ZNF420: variants seen among roughly 807,000 people sequenced by gnomAD.
ZNF420 encodes the protein zinc finger protein 420, also known as ATM and p53-associated KZNF protein.
Under a neutral mutation model 44.7 loss-of-function variants are expected in ZNF420, and 31 were observed. That is an observed-to-expected ratio of 0.69 (90% CI 0.52 to 0.94). ZNF420 has a LOEUF of 0.94. Among genes scored for constraint, ZNF420 ranks in the 40% least tolerant of loss-of-function variants. The pLI, the probability that ZNF420 is intolerant of heterozygous loss-of-function variation, is 0.00. For missense variants in ZNF420, 681 were observed against 827.9 expected (o/e 0.82, Z 2.18); for synonymous variants, 245 against 267.4 (o/e 0.92, Z 0.82).
chr19:37,088,962 A>C (rs1968980973), intron 2 of ZNF420, 77 bp from the exon 3 acceptor site: 1 of 701,942 alleles, frequency 1.4e-6, no homozygotes, highest in Non-Finnish European at 2.6e-6. Flanking sequence ...AGAAAAGAAC[A>C]ACAAAGATAA....
At chr19:37,126,554 G>A (rs12462276) in intron 4 of ZNF420, among the ~76,000 whole-genome samples, 2,938 of 152,252 alleles carry the variant, frequency 0.019, 80 homozygotes, top group East Asian at 0.05. Context: ...TGAATCAGTT[G>A]ATAGGAAGGA....
chr19:37,110,059 A>C (rs893381573), intron 4 of ZNF420, among the ~76,000 whole-genome samples: 2 of 152,224 alleles, frequency 1.3e-5, no homozygotes, highest in African/African-American at 2.4e-5. Flanking sequence ...GCTTTACTAC[A>C]GTATCCTGGT....
intron 1 of ZNF420, chr19:37,008,186 A>AC (rs1310836921): frequency 6.5e-6 from 2 of 309,104 alleles, no homozygotes; most frequent in Admixed American, 9.2e-5. Context: ...AGAGAGCAGA[A>AC]CCCCGCAGCC....
At chr19:37,094,832 G>A (rs764092521) in intron 4 of ZNF420, among the ~76,000 whole-genome samples, 11 of 152,036 alleles carry the variant, frequency 7.2e-5, no homozygotes, top group South Asian at 2.1e-4. Context: ...CTATTAGCAC[G>A]TAGAAATATC....
At chr19:37,094,914 C>T (rs1165053120) in intron 4 of ZNF420, among the ~76,000 whole-genome samples, 3 of 151,994 alleles carry the variant, frequency 2.0e-5, no homozygotes, top group Non-Finnish European at 4.4e-5. Flanking sequence ...GGGCAGATCA[C>T]GAGGTCAAGA....
chr19:37,064,416 G>A (rs1457160558), intron 1 of ZNF420, among the ~76,000 whole-genome samples: 2 of 152,044 alleles, frequency 1.3e-5, no homozygotes, highest in South Asian at 4.1e-4. Context: ...TCCTGTGTGG[G>A]TTTTGCGGCC....
chr19:37,129,242 T>G lies in ZNF420; in HGVS notation c.*184T>G. Reference sequence around the variant, plus strand: ...TCATTACTGGAAACCTATTAAACATTAGCAAATTGGAGAATAGTTTTAATA... The same window carrying G: ...TCATTACTGGAAACCTATTAAACATGAGCAAATTGGAGAATAGTTTTAATA... On this transcript the variant is annotated 3_prime_UTR_variant, in exon 5 of 5. Transcript: ENST00000337995. 1.4e-6 allele frequency: 1 copy of G among 697,400 alleles called. No individual in the cohort carries two copies. Among genetic ancestry groups the G allele is most frequent in the South Asian group, 2.2e-5 (1 of 45,596 alleles). The allele number at this position is 697,400 out of a possible 1,614,324, so 43.2% of individuals were successfully genotyped here.
rs563129285 is a variant in ZNF420, at chr19:37,111,618, A to G, written c.137-15510A>G. 5 of 152,324 alleles carry G rather than the reference A, an allele frequency of 3.3e-5. No individual in the cohort carries two copies. The South Asian group carries it at 1.0e-3, about 32-fold the overall frequency. The allele number at this position is 152,324 out of a possible 1,614,324, so 9.4% of individuals were successfully genotyped here. On this transcript the variant is annotated intron_variant, in intron 4 of 4. Coordinates refer to ENST00000337995, the MANE Select transcript of ZNF420 (RefSeq NM_144689.5). ...TCTGCAGCACATCAAATATCAACGTAATGAATAACAGTCTGAAAACTTATC... is the reference window on the plus strand; with the variant it reads ...TCTGCAGCACATCAAATATCAACGTGATGAATAACAGTCTGAAAACTTATC...
intron 1 of ZNF420, among the ~76,000 whole-genome samples, chr19:37,012,526 G>C (rs11670216): frequency 0.33 from 49,596 of 152,114 alleles, 8,327 homozygotes; most frequent in Non-Finnish European, 0.35. Flanking sequence ...GTCCGACCAG[G>C]ATGATGAAGC....
chr19:37,098,951 C>T lies in ZNF420; in HGVS notation c.136+7830C>T, dbSNP rs144357291. Among the ~76,000 whole-genome samples, 75 of 152,188 alleles carry T rather than the reference C, an allele frequency of 4.9e-4. No individual in the cohort carries two copies. The East Asian group carries it at 0.012, about 24-fold the overall frequency. ...CATGTGATATTTGTCCTGTTCTTGG[C>T]GTATTTCACTTAATATAATGTCCTC... On this transcript the variant is annotated intron_variant, in intron 4 of 4. Transcript: ENST00000337995.
intron 1 of ZNF420, among the ~76,000 whole-genome samples, chr19:37,008,468 C>T (rs1033950018): frequency 2.0e-5 from 3 of 152,174 alleles, no homozygotes; most frequent in Non-Finnish European, 2.9e-5. Flanking sequence ...ATCTCATCCC[C>T]AGCCTGAGTG....
intron 4 of ZNF420, among the ~76,000 whole-genome samples, chr19:37,100,354 A>G (rs889329787): frequency 1.3e-5 from 2 of 151,302 alleles, no homozygotes; most frequent in African/African-American, 4.9e-5. Flanking sequence ...TTTGGTTACT[A>G]TTGTTTTGTA....
chr19:37,059,794 TTCTCTC>T (rs545964943), intron 1 of ZNF420, among the ~76,000 whole-genome samples: 10 of 149,546 alleles, frequency 6.7e-5, no homozygotes, highest in South Asian at 6.4e-4. Context: ...CTCTGTCTCT[TTCTCTC>T]TCTCTCTCTC....
chr19:37,119,211 A>G (rs1378794173), intron 4 of ZNF420, among the ~76,000 whole-genome samples: 2 of 152,012 alleles, frequency 1.3e-5, no homozygotes, highest in East Asian at 1.9e-4. Flanking sequence ...AACTGACCAC[A>G]TAGTTCGAAG....
At chr19:37,012,282 G>A (rs1428317849) in intron 1 of ZNF420, among the ~76,000 whole-genome samples, 1 of 152,246 alleles carries the variant, frequency 6.6e-6, no homozygotes, top group African/African-American at 2.4e-5. Flanking sequence ...ATTTAAAGGG[G>A]CCGCAGCCTG....
At chr19:37,036,388 G>A (rs918043297) in intron 1 of ZNF420, among the ~76,000 whole-genome samples, 1 of 151,984 alleles carries the variant, frequency 6.6e-6, no homozygotes, top group Admixed American at 6.6e-5. Context: ...AAAACAAAAA[G>A]GGCCTATTTC....
intron 1 of ZNF420, among the ~76,000 whole-genome samples, chr19:37,010,562 G>C (rs1310414796): frequency 1.3e-5 from 2 of 151,662 alleles, no homozygotes; most frequent in Non-Finnish European, 2.9e-5. Context: ...CTCTCTCTCT[G>C]TCTGTGAGTG....
chr19:37,035,087 A>G (rs2146402165), intron 1 of ZNF420, among the ~76,000 whole-genome samples: 1 of 152,344 alleles, frequency 6.6e-6, no homozygotes, highest in African/African-American at 2.4e-5. Context: ...CTACATAGAC[A>G]AAATGAAACA....
intron 1 of ZNF420, among the ~76,000 whole-genome samples, chr19:37,041,971 A>G (rs1204432789): frequency 6.6e-6 from 1 of 152,068 alleles, no homozygotes; most frequent in African/African-American, 2.4e-5. Flanking sequence ...TATTCTCTCC[A>G]GCGTCTATTT....
Sources: allele counts gnomAD v4.1 joint callset (sites outside exome capture counted in the v4.1 genomes callset), GRCh38; gene constraint gnomAD v4.1.1; transcripts MANE v1.5; gene names NCBI Gene and HGNC (gene_info 2026-07-23, HGNC 2026-07-21).